CFAP251: variants seen among roughly 807,000 people sequenced by gnomAD.
CFAP251 encodes the protein cilia and flagella associated protein 251.
CFAP251 carries 93 observed loss-of-function variants against 126.7 expected under a neutral mutation model. That is an observed-to-expected ratio of 0.73 (90% CI 0.62 to 0.87). The LOEUF is 0.87. Ranked by LOEUF, CFAP251 falls within the 40% of genes least tolerant of loss-of-function variation. The probability of loss-of-function intolerance (pLI) is 0.00; values close to 1 mark genes in which losing one functional copy is unlikely to be tolerated. For synonymous variants in CFAP251, 503 were observed against 506.9 expected, an observed-to-expected ratio of 0.99 and a Z score of 0.10; for missense variants, 1,287 against 1,389.2, an observed-to-expected ratio of 0.93 and a Z score of 1.17.
Position 121,978,208 on chromosome 12 carries a change from C to T in CFAP251, c.3006+2523C>T, listed in dbSNP as rs1323768314. ...GAGATCGAGACCATCCTGGCTAACACGGTGAAACCCCGTCTCTACTAAAAA... is the reference window on the plus strand; with the variant it reads ...GAGATCGAGACCATCCTGGCTAACATGGTGAAACCCCGTCTCTACTAAAAA... On this transcript the variant is annotated intron_variant, in intron 19 of 21. Coordinates refer to ENST00000288912, the MANE Select transcript of CFAP251 (RefSeq NM_144668.6). 4.0e-5 allele frequency among the ~76,000 whole-genome samples: 6 copies of T among 150,300 alleles called. No individual in the cohort carries two copies. In the South Asian group the frequency reaches 6.3e-4, roughly 16 times the overall value.
chr12:121,956,467 A>C (rs189885605), intron 10 of CFAP251, among the ~76,000 whole-genome samples: 1 of 152,206 alleles, frequency 6.6e-6, no homozygotes, highest in Non-Finnish European at 1.5e-5. Flanking sequence ...AATATATGGG[A>C]TGTACTTACA....
In CFAP251 at chr12:121,992,087, G is replaced by A. The variant is rs186740867; in HGVS notation, c.3007-7629G>A. On this transcript the variant is annotated intron_variant, in intron 19 of 21. Transcript: ENST00000288912. ...GGAATAAAGCCCCGCCTTAGCAGGC[G>A]TGAGAATGCCAATCAAAGGCCAGGC... The A allele has an allele frequency of 2.8e-4, 120 of 424,898 alleles. 4 individuals are homozygous for A. The highest frequency in any genetic ancestry group is 1.0e-3 in the African/African-American group (48 of 46,436). 26.3% of individuals were successfully genotyped at this position (424,898 alleles called of 1,614,324 possible). A position where few individuals can be genotyped will look rare whatever the true frequency, so the allele number is the denominator to read the frequency against.
At chr12:121,981,500 G>A (rs567896705) in intron 19 of CFAP251, among the ~76,000 whole-genome samples, 32 of 152,194 alleles carry the variant, frequency 2.1e-4, no homozygotes, top group African/African-American at 7.5e-4. Flanking sequence ...CTCAGCTCCC[G>A]TTTGGTCCAG....
At chr12:121,977,607 C>T (rs1381011194) in intron 19 of CFAP251, among the ~76,000 whole-genome samples, 1 of 151,928 alleles carries the variant, frequency 6.6e-6, no homozygotes, top group Non-Finnish European at 1.5e-5. Context: ...TTGCAGTGAG[C>T]CAAGATCACA....
chr12:121,961,449 T>C (rs1881937897), intron 14 of CFAP251, among the ~76,000 whole-genome samples: 1 of 151,996 alleles, frequency 6.6e-6, no homozygotes, highest in Non-Finnish European at 1.5e-5. Flanking sequence ...CACGGAAGCA[T>C]ACCTGTATGG....
At chr12:121,937,637 G>T (rs750658984) in intron 5 of CFAP251, among the ~76,000 whole-genome samples, 1 of 152,168 alleles carries the variant, frequency 6.6e-6, no homozygotes, top group Non-Finnish European at 1.5e-5. Context: ...GGGTAGGTGG[G>T]TGGGGAGGGA....
chr12:121,952,691 A>G (rs1881577326), intron 9 of CFAP251: 1 of 152,172 alleles, frequency 6.6e-6, no homozygotes, highest in Non-Finnish European at 1.5e-5. Flanking sequence ...GCACCTGATG[A>G]TGAGTTTTCT....
chr12:121,940,105 T>A (rs1881050458), intron 5 of CFAP251, among the ~76,000 whole-genome samples: 1 of 152,176 alleles, frequency 6.6e-6, no homozygotes, highest in African/African-American at 2.4e-5. Flanking sequence ...TAATTTAAAA[T>A]CACAAGTCTA....
At chr12:121,964,761 G>A (rs1882064217) in intron 15 of CFAP251, among the ~76,000 whole-genome samples, 1 of 152,104 alleles carries the variant, frequency 6.6e-6, no homozygotes, top group African/African-American at 2.4e-5. Context: ...TTAGCCGGGC[G>A]TGGTGGCATG....
chr12:121,925,350 A>G (rs1015687457), intron 3 of CFAP251, among the ~76,000 whole-genome samples: 7 of 151,546 alleles, frequency 4.6e-5, no homozygotes, highest in African/African-American at 1.5e-4. Flanking sequence ...ATTGTTTCCT[A>G]GGATTCATCC....
At chr12:121,922,669 A>G (rs1352183727) in intron 2 of CFAP251, among the ~76,000 whole-genome samples, 3 of 109,210 alleles carry the variant, frequency 2.7e-5, no homozygotes, top group Non-Finnish European at 4.0e-5. Flanking sequence ...GTAGCTAGTC[A>G]GCCTTTTGGA....
chr12:121,982,512 A>C (rs1162110189), intron 19 of CFAP251, among the ~76,000 whole-genome samples: 1 of 151,958 alleles, frequency 6.6e-6, no homozygotes, highest in African/African-American at 2.4e-5. Flanking sequence ...CTGAGTAGCT[A>C]GGATGATAGG....
chr12:121,962,629 G>A (rs188643622), intron 15 of CFAP251, among the ~76,000 whole-genome samples: 127 of 152,054 alleles, frequency 8.4e-4, no homozygotes, highest in African/African-American at 3.1e-3. Flanking sequence ...TGTTGGCGGG[G>A]GCAGGTGATG....
At chr12:121,952,684 C>T (rs1409837355) in intron 9 of CFAP251, 1 of 151,972 alleles carries the variant, frequency 6.6e-6, no homozygotes, top group African/African-American at 2.4e-5. Flanking sequence ...TCAGGGAGCA[C>T]CTGATGATGA....
At chr12:121,982,381 A>ATT (rs1296231709) in intron 19 of CFAP251, among the ~76,000 whole-genome samples, 88 of 137,194 alleles carry the variant, frequency 6.4e-4, no homozygotes, top group African/African-American at 2.2e-3. Context: ...AGGATTCTTG[A>ATT]TTTTTTTTTT....
At chr12:121,991,434 G>A (rs902493910) in intron 19 of CFAP251, among the ~76,000 whole-genome samples, 2 of 152,230 alleles carry the variant, frequency 1.3e-5, no homozygotes, top group African/African-American at 4.8e-5. Flanking sequence ...TCTAAGAGCA[G>A]CAGTATTCAA....
chr12:121,926,332 TTTTG>T (rs979379024), intron 3 of CFAP251, among the ~76,000 whole-genome samples: 1 of 151,998 alleles, frequency 6.6e-6, no homozygotes, highest in Non-Finnish European at 1.5e-5. Flanking sequence ...ATTTTTTTCT[TTTTG>T]TTTATTTTGA....
rs565250879 is a variant in CFAP251 at position 121,938,550 on chromosome 12, G to A, written c.999-3984G>A. Among the ~76,000 whole-genome samples, 46 of 149,704 alleles carry A rather than the reference G, an allele frequency of 3.1e-4. No homozygotes were observed. In the South Asian group the frequency reaches 7.3e-3, roughly 24 times the overall value. ...TCACCATGTTACTCAGGCTGGTCTC[G>A]AATTCCTGGGCTCAAGTGATCCACC... On this transcript the variant is annotated intron_variant, in intron 5 of 21. Transcript: ENST00000288912.
intron 13 of CFAP251, 190 bp downstream of exon 13, chr12:121,959,284 T>C: frequency 1.8e-6 from 1 of 561,820 alleles, no homozygotes; most frequent in Non-Finnish European, 2.9e-6. Flanking sequence ...AAAAACACTT[T>C]TTAAAAATTA....
Sources: gnomAD v4.1 joint callset for allele counts (sites outside exome capture counted in the v4.1 genomes callset) on GRCh38, gnomAD v4.1.1 for gene constraint, MANE v1.5 for transcripts, NCBI Gene and HGNC (gene_info 2026-07-23, HGNC 2026-07-21) for gene names.